Variants in MAP2K5 observed in about 807,000 individuals in gnomAD.
The protein encoded by MAP2K5 is dual specificity mitogen-activated protein kinase kinase 5.
MAP2K5 carries 49 observed loss-of-function variants against 83.1 expected under a neutral mutation model. The observed-to-expected ratio is 0.59, with a 90% CI of 0.47 to 0.75. The LOEUF (loss-of-function observed/expected upper bound fraction) is 0.75, where lower values mean the gene tolerates loss of function less well. Ranked by LOEUF, MAP2K5 falls within the 30% of genes least tolerant of loss-of-function variation. The probability of loss-of-function intolerance (pLI) is 0.00; values close to 1 mark genes in which losing one functional copy is unlikely to be tolerated. For missense variants in MAP2K5, 457 were observed against 557.5 expected (o/e 0.82, Z 1.82); for synonymous variants, 202 against 191.8 (o/e 1.05, Z -0.44).
In MAP2K5 at chr15:67,577,958, C is replaced by T. The variant is rs149671324; in HGVS notation, c.253-2796C>T. Among the ~76,000 whole-genome samples, 498 of 152,220 alleles carry T rather than the reference C, an allele frequency of 3.3e-3. 4 individuals are homozygous for T. Among genetic ancestry groups the T allele is most frequent in the African/African-American group, 0.011 (463 of 41,524 alleles). ...TAGGTTGCAGTGGGCCAAGATTGTG[C>T]CACTGTACTCTAGCCTGGGTGACAG... On this transcript the variant is annotated intron_variant, in intron 3 of 21. Coordinates refer to ENST00000178640, the MANE Select transcript of MAP2K5 (RefSeq NM_145160.3). The surrounding 1 kb of genome is among the most constrained non-coding windows in gnomAD (Gnocchi z 4.1).
In MAP2K5 at chr15:67,665,344, A is replaced by G. The variant is rs1474752495; in HGVS notation, c.847+699A>G. ...AAAATATCTGAATTCATTTGGAGCA[A>G]ATTATTAAGTGAGAAAGAGACTATA... On this transcript the variant is annotated intron_variant, in intron 13 of 21. Transcript: ENST00000178640. This position sits in a 1 kb window ranked among gnomAD's most constrained non-coding sequence, Gnocchi z 4.2. 1.3e-5 allele frequency among the ~76,000 whole-genome samples: 2 copies of G among 152,138 alleles called. No individual in the cohort carries two copies. The highest frequency in any genetic ancestry group is 2.9e-5 in the Non-Finnish European group (2 of 68,016).
At position 67,746,177 on chromosome 15, in the gene MAP2K5, T is replaced by A. The variant is rs1021595471; in HGVS notation, c.1075-2054T>A. 6.6e-6 allele frequency among the ~76,000 whole-genome samples: 1 copy of A among 152,202 alleles called. No individual in the cohort carries two copies. Among genetic ancestry groups the A allele is most frequent in the African/African-American group, 2.4e-5 (1 of 41,454 alleles). On this transcript the variant is annotated intron_variant, in intron 17 of 21. Coordinates refer to ENST00000178640, the MANE Select transcript of MAP2K5 (RefSeq NM_145160.3). The surrounding 1 kb of genome is among the most constrained non-coding windows in gnomAD (Gnocchi z 4.1). ...GACCTCAGTTCATGAGGAAGTTTCC[T>A]CCCCTCAGTTAATCTGATTCACACA...
intron 21 of MAP2K5, among the ~76,000 whole-genome samples, chr15:67,787,012 T>C (rs1712329756): frequency 6.6e-6 from 1 of 151,986 alleles, no homozygotes; most frequent in Admixed American, 6.6e-5. Flanking sequence ...AATGATGGGG[T>C]AAAGTTAGCT....
rs563586401 is a variant in MAP2K5 at position 67,605,246 on chromosome 15, G to A, written c.545+4497G>A. Among the ~76,000 whole-genome samples, 135 of 151,868 alleles carry A rather than the reference G, an allele frequency of 8.9e-4. 1 individual carries two copies. The highest frequency in any genetic ancestry group is 6.8e-3 in the Middle Eastern group (2 of 294). ...ATTTTCTGTATTTTAGTAGGGATGG[G>A]GTTTCACCATGTTGGCCAGGATGGT... On this transcript the variant is annotated intron_variant, in intron 8 of 21. Coordinates refer to ENST00000178640, the MANE Select transcript of MAP2K5 (RefSeq NM_145160.3).
chr15:67,753,928 T>C (rs541455493), intron 19 of MAP2K5, among the ~76,000 whole-genome samples: 1 of 152,356 alleles, frequency 6.6e-6, no homozygotes, highest in African/African-American at 2.4e-5. Flanking sequence ...GCATTATTCA[T>C]AATAGCCCAA....
chr15:67,725,236 C>CT (rs3837737), intron 16 of MAP2K5, among the ~76,000 whole-genome samples: 41,250 of 152,098 alleles, frequency 0.27, 6,475 homozygotes, highest in East Asian at 0.61. Context: ...ATCAGCCATC[C>CT]TTTTTTACCT....
chr15:67,790,726 CA>C lies in MAP2K5; in HGVS notation c.1243-15917del, dbSNP rs539334781. Reference sequence around the variant, plus strand: ...GGAGAGCCAGTCACATAAAAACAAACAAACAAAAAAAAAAAAACCTGTGTCC... The same window carrying C: ...GGAGAGCCAGTCACATAAAAACAAACAACAAAAAAAAAAAAACCTGTGTCC... On this transcript the variant is annotated intron_variant, in intron 21 of 21. Transcript: ENST00000178640. This position sits in a 1 kb window ranked among gnomAD's most constrained non-coding sequence, Gnocchi z 4.6. Among the ~76,000 whole-genome samples, 34 of 148,276 alleles carry C rather than the reference CA, an allele frequency of 2.3e-4. No homozygotes were observed. In the South Asian group the frequency reaches 6.8e-3, roughly 30 times the overall value.
chr15:67,799,946 C>T (rs181165737), intron 21 of MAP2K5, among the ~76,000 whole-genome samples: 5 of 146,634 alleles, frequency 3.4e-5, no homozygotes, highest in Admixed American at 6.8e-5. Flanking sequence ...GAGTGGGGGG[C>T]GGTGGGGGGG....
chr15:67,624,145 C>T (rs987198920), intron 8 of MAP2K5, among the ~76,000 whole-genome samples: 3 of 151,476 alleles, frequency 2.0e-5, no homozygotes, highest in South Asian at 4.2e-4. Flanking sequence ...CGAGACCATC[C>T]TGGCTAACAC....
At position 67,690,556 on chromosome 15, in the gene MAP2K5, A is replaced by T. The variant is rs1015938007; in HGVS notation, c.848-1923A>T. 3.7e-4 allele frequency among the ~76,000 whole-genome samples: 54 copies of T among 146,960 alleles called. No homozygotes were observed. Among genetic ancestry groups the T allele is most frequent in the Non-Finnish European group, 6.4e-4 (43 of 66,996 alleles). ...CTTAGCAATTTTTTTTTTTTTTGAG[A>T]CAAGTCTCGCTCTGATACCCAGGCT... On this transcript the variant is annotated intron_variant, in intron 13 of 21. Coordinates refer to ENST00000178640, the MANE Select transcript of MAP2K5 (RefSeq NM_145160.3). The surrounding 1 kb of genome is among the most constrained non-coding windows in gnomAD (Gnocchi z 4.3).
chr15:67,696,915 G>A (rs987009442), intron 15 of MAP2K5, among the ~76,000 whole-genome samples: 1 of 152,172 alleles, frequency 6.6e-6, no homozygotes, highest in Non-Finnish European at 1.5e-5. Flanking sequence ...GGAGGCGGAG[G>A]TTGCGGTGAG....
intron 17 of MAP2K5, among the ~76,000 whole-genome samples, chr15:67,744,727 C>A (rs183584754): frequency 6.6e-6 from 1 of 152,338 alleles, no homozygotes; most frequent in African/African-American, 2.4e-5. Context: ...TCACCAGAGC[C>A]ATTGGCTAAA....
intron 16 of MAP2K5, among the ~76,000 whole-genome samples, chr15:67,709,912 G>A (rs1173308474): frequency 6.6e-6 from 1 of 152,212 alleles, no homozygotes; most frequent in African/African-American, 2.4e-5. Context: ...CACTGAGTAT[G>A]CTGTACAAAT....
At chr15:67,729,967 A>T (rs2089184561) in intron 17 of MAP2K5, among the ~76,000 whole-genome samples, 1 of 152,238 alleles carries the variant, frequency 6.6e-6, no homozygotes, top group African/African-American at 2.4e-5. Flanking sequence ...CCTTTATACC[A>T]GAGTTGGGGC....
rs2084531502 is a variant in MAP2K5, at chr15:67,552,477, C to T, written c.184+2395C>T. 6.6e-6 allele frequency among the ~76,000 whole-genome samples: 1 copy of T among 152,082 alleles called. No homozygotes were observed. The highest frequency in any genetic ancestry group is 1.5e-5 in the Non-Finnish European group (1 of 68,014). ...TGAGACAGAGTATTGCTCTGTTGCCCAGGCTGGAGTGCAGTGACATGATGA... is the reference window on the plus strand; with the variant it reads ...TGAGACAGAGTATTGCTCTGTTGCCTAGGCTGGAGTGCAGTGACATGATGA... On this transcript the variant is annotated intron_variant, in intron 2 of 21. Transcript: ENST00000178640. This position sits in a 1 kb window ranked among gnomAD's most constrained non-coding sequence, Gnocchi z 4.2.
intron 1 of MAP2K5, chr15:67,546,679 G>A (rs2084394698): frequency 2.2e-6 from 2 of 899,890 alleles, no homozygotes; most frequent in Non-Finnish European, 2.7e-6. Flanking sequence ...TATACAAGAG[G>A]TCTGGTTAGT....
intron 3 of MAP2K5, among the ~76,000 whole-genome samples, chr15:67,580,181 G>A (rs2085149393): frequency 6.6e-6 from 1 of 152,186 alleles, no homozygotes; most frequent in Non-Finnish European, 1.5e-5. Context: ...CCGTACTAAA[G>A]TGTTTATAAG....
chr15:67,681,498 A>C (rs1567357208), intron 13 of MAP2K5, among the ~76,000 whole-genome samples: 1 of 152,338 alleles, frequency 6.6e-6, no homozygotes, highest in East Asian at 1.9e-4. Context: ...TGCCTATAAA[A>C]GCCTACTGCA....
rs1443966368 is a variant in MAP2K5 at position 67,565,073 on chromosome 15, G to A, written c.252+1723G>A. On this transcript the variant is annotated intron_variant, in intron 3 of 21. Transcript: ENST00000178640. This position sits in a 1 kb window ranked among gnomAD's most constrained non-coding sequence, Gnocchi z 4.1. ...TTATTTTTTAGATGAGGAAGCTGTG[G>A]TTAAGAGATAAGCCCAAGGTCTTAG... Among the ~76,000 whole-genome samples the A allele has an allele frequency of 6.6e-6, 1 of 152,160 alleles. No individual in the cohort carries two copies. The highest frequency in any genetic ancestry group is 1.5e-5 in the Non-Finnish European group (1 of 68,036).
Sources: gnomAD v4.1 joint callset for allele counts (sites outside exome capture counted in the v4.1 genomes callset) on GRCh38, gnomAD v4.1.1 for gene constraint, Gnocchi (gnomAD v3.1) non-coding constraint, MANE v1.5 for transcripts, NCBI Gene and HGNC (gene_info 2026-07-23, HGNC 2026-07-21) for gene names.